The following COL27A1 variants were observed in gnomAD, a reference collection of about 807,000 sequenced individuals.
COL27A1 encodes the protein collagen type XXVII alpha 1 chain.
Under a neutral mutation model 251.3 loss-of-function variants are expected in COL27A1, and 106 were observed. The ratio of observed to expected loss-of-function variants is 0.42; its 90% CI spans 0.36 to 0.50. The LOEUF (loss-of-function observed/expected upper bound fraction) is 0.50, where lower values mean the gene tolerates loss of function less well. Among genes scored for constraint, COL27A1 ranks in the 20% least tolerant of loss-of-function variants. The probability of loss-of-function intolerance (pLI) is 0.00; values close to 1 mark genes in which losing one functional copy is unlikely to be tolerated. For missense variants in COL27A1, 2,325 were observed against 2,522.8 expected, an observed-to-expected ratio of 0.92 and a Z score of 1.68; for synonymous variants, 1,000 against 986.3, an observed-to-expected ratio of 1.01 and a Z score of -0.26.
intron 42 of COL27A1, 42 bp downstream of exon 42, chr9:114,288,553 G>T: frequency 6.3e-7 from 1 of 1,576,342 alleles, no homozygotes; most frequent in Non-Finnish European, 8.6e-7. Context: ...CGTCCTAGGT[G>T]GAATCTGAGC....
intron 14 of COL27A1, among the ~76,000 whole-genome samples, chr9:114,226,241 T>C (rs968250320): frequency 3.9e-5 from 6 of 152,190 alleles, no homozygotes; most frequent in African/African-American, 1.4e-4. Context: ...TTGTCCACCT[T>C]ATTCTGCCAC....
chr9:114,162,578 T>G lies in COL27A1; in HGVS notation c.63-137T>G, dbSNP rs1218939013. ...GCTGCTCTGATGGGGTCCTAGAGCC[T>G]GTACCTGGCCTCCTGCCTCCCGTGG... On this transcript the variant is annotated intron_variant, in intron 1 of 60. Coordinates refer to ENST00000356083, the MANE Select transcript of COL27A1 (RefSeq NM_032888.4). 5.9e-6 allele frequency: 4 copies of G among 676,002 alleles called. No individual in the cohort carries two copies. The Admixed American group carries it at 9.2e-5, about 16-fold the overall frequency. 41.9% of individuals were successfully genotyped at this position (676,002 alleles called of 1,614,324 possible).
intron 11 of COL27A1, 51 bp downstream of exon 11, chr9:114,209,779 C>G: frequency 6.4e-7 from 1 of 1,563,468 alleles, no homozygotes; most frequent in East Asian, 2.2e-5. Context: ...CCTGCCCAAA[C>G]AGAGCAGAAC....
At chr9:114,284,903 G>T in intron 41 of COL27A1, 126 bp downstream of exon 41, 2 of 1,001,688 alleles carry the variant, frequency 2.0e-6, no homozygotes, top group Admixed American at 3.9e-5. Flanking sequence ...CTCACCCCCT[G>T]CAGCAGCCGA....
At chr9:114,271,651 C>T (rs1323914935) in intron 36 of COL27A1, 1 of 152,430 alleles carries the variant, frequency 6.6e-6, no homozygotes, top group Non-Finnish European at 1.5e-5. Flanking sequence ...AGACCCATCT[C>T]CAGGCCAGTC....
rs1458664873 is a variant in COL27A1 at position 114,290,461 on chromosome 9, C to T, written c.4368+130C>T. ...GGCAGAACCAACACATCCAGAAGTT[C>T]TCTGGGGTGGGCAACCATCTCCTCC... On this transcript the variant is annotated intron_variant, in intron 47 of 60. Coordinates refer to ENST00000356083, the MANE Select transcript of COL27A1 (RefSeq NM_032888.4). The surrounding 1 kb of genome is among the most constrained non-coding windows in gnomAD (Gnocchi z 4.6). 3.9e-6 allele frequency: 3 copies of T among 766,884 alleles called. No individual in the cohort carries two copies. The highest frequency in any genetic ancestry group is 6.5e-6 in the Non-Finnish European group (3 of 464,106). 47.5% of individuals were successfully genotyped at this position (766,884 alleles called of 1,614,324 possible). A position where few individuals can be genotyped will look rare whatever the true frequency, so the allele number is the denominator to read the frequency against.
chr9:114,282,224 A>T, intron 37 of COL27A1, 53 bp from the exon 38 acceptor site: 1 of 1,539,814 alleles, frequency 6.5e-7, no homozygotes, highest in East Asian at 2.2e-5. Context: ...GATCCGCCTC[A>T]GTTTCCTCTC....
At chr9:114,263,951 C>T (rs1005322752) in intron 28 of COL27A1, among the ~76,000 whole-genome samples, 1 of 152,214 alleles carries the variant, frequency 6.6e-6, no homozygotes, top group African/African-American at 2.4e-5. Flanking sequence ...GTTTCTGCCC[C>T]GTGTGTGCTC....
chr9:114,204,966 C>T (rs1829844414), intron 7 of COL27A1, 136 bp from the exon 8 acceptor site: 2 of 720,300 alleles, frequency 2.8e-6, no homozygotes, highest in Admixed American at 2.3e-5. Flanking sequence ...TCTGGGGAAC[C>T]TTTACTGAGT....
chr9:114,306,625 A>G lies in COL27A1; in HGVS notation c.5044A>G (p.Thr1682Ala). The G allele has an allele frequency of 4.3e-6, 7 of 1,614,146 alleles. No individual in the cohort carries two copies. Among genetic ancestry groups the G allele is most frequent in the African/African-American group, 2.7e-5 (2 of 75,044 alleles). ...LIQSIKTPLG[T>A]KENPARVCRD... Reference sequence around the variant, plus strand: ...CCAGAGCATTAAGACGCCCCTGGGCACCAAAGAGAACCCCGCCCGGGTCTG... The same window carrying G: ...CCAGAGCATTAAGACGCCCCTGGGCGCCAAAGAGAACCCCGCCCGGGTCTG... Residue 1682 changes from threonine (T) to alanine (A), a missense_variant, in exon 58 of 61, where the codon ACC becomes GCC. Transcript: ENST00000356083.
At chr9:114,228,704 C>T (rs4979356) in intron 14 of COL27A1, among the ~76,000 whole-genome samples, 1 of 152,082 alleles carries the variant, frequency 6.6e-6, no homozygotes, top group Admixed American at 6.5e-5. Context: ...GGTTAAAGCA[C>T]GTCAAGTGCT....
chr9:114,265,173 G>A lies in COL27A1; in HGVS notation c.3339+63G>A, dbSNP rs991980713. ...CTTTTGATGGGGGTGGGGGGCGGGT[G>A]CGGTGCTGATAATAACCACTTTTAC... On this transcript the variant is annotated intron_variant, in intron 31 of 60. Coordinates refer to ENST00000356083, the MANE Select transcript of COL27A1 (RefSeq NM_032888.4). 106 of 597,290 alleles carry A rather than the reference G, an allele frequency of 1.8e-4. No homozygotes were observed. In the East Asian group the frequency reaches 3.5e-3, roughly 20 times the overall value. The allele number at this position is 597,290 out of a possible 1,614,324, so 37.0% of individuals were successfully genotyped here. A position where few individuals can be genotyped will look rare whatever the true frequency, so the allele number is the denominator to read the frequency against.
Position 114,252,910 on chromosome 9 carries a change from C to T in COL27A1, c.3119C>T (p.Thr1040Ile), listed in dbSNP as rs771219695. 1.1e-5 allele frequency: 18 copies of T among 1,613,648 alleles called. No individual in the cohort carries two copies. The South Asian group carries it at 2.0e-4, about 18-fold the overall frequency. Reference sequence around the variant, plus strand: ...CCTGGAATGCCAGGTGGTATGGGGACCCCTGGAGAGCCTGGACCCCAGGTA... The same window carrying T: ...CCTGGAATGCCAGGTGGTATGGGGATCCCTGGAGAGCCTGGACCCCAGGTA... ...GHPGMPGGMG[T>I]PGEPGPQGPP... Residue 1040 changes from threonine to isoleucine, a missense_variant, in exon 27 of 61, where the codon ACC becomes ATC. By Grantham distance (89) the Thr-to-Ile change is moderately conservative. Coordinates refer to ENST00000356083, the MANE Select transcript of COL27A1 (RefSeq NM_032888.4).
At position 114,290,822 on chromosome 9, in the gene COL27A1, G is replaced by A. The variant is rs1483237440; in HGVS notation, c.4381G>A (p.Asp1461Asn). ...GCTTTCTTAACAGGGGGAGCAGGGAGACGATGGGGACCCTGGCCCCATGGG... is the reference window on the plus strand; with the variant it reads ...GCTTTCTTAACAGGGGGAGCAGGGAAACGATGGGGACCCTGGCCCCATGGG... ...GQAGQQGEQG[D>N]DGDPGPMGPA... is the part of the protein sequence containing the mutation. Residue 1461 changes from aspartate (D) to asparagine (N), a missense_variant, in exon 48 of 61, where the codon GAC becomes AAC. Asp to Asn is a conservative substitution (Grantham distance 23). Coordinates refer to ENST00000356083, the MANE Select transcript of COL27A1 (RefSeq NM_032888.4). This position sits in a 1 kb window ranked among gnomAD's most constrained non-coding sequence, Gnocchi z 4.6. The A allele has an allele frequency of 2.6e-6, 4 of 1,549,224 alleles. No individual in the cohort carries two copies. Among genetic ancestry groups the A allele is most frequent in the Admixed American group, 4.0e-5 (2 of 50,382 alleles).
chr9:114,163,226 C>T (rs577130234), intron 2 of COL27A1, among the ~76,000 whole-genome samples: 5 of 51,706 alleles, frequency 9.7e-5, no homozygotes, highest in African/African-American at 4.6e-4. Context: ...GAGCGAGACT[C>T]CGTCTCAAAA....
intron 3 of COL27A1, among the ~76,000 whole-genome samples, 157 bp downstream of exon 3, chr9:114,169,620 T>G: frequency 6.6e-6 from 1 of 152,212 alleles, no homozygotes; most frequent in Non-Finnish European, 1.5e-5. Context: ...CCCCGGCTCC[T>G]CTGGCTCTGC....
intron 14 of COL27A1, among the ~76,000 whole-genome samples, chr9:114,230,218 G>T (rs1424015276): frequency 6.6e-6 from 1 of 152,150 alleles, no homozygotes; most frequent in Non-Finnish European, 1.5e-5. Context: ...TTCCTGCCTG[G>T]CTCCTGCTGG....
At chr9:114,289,332 C>T in intron 45 of COL27A1, 37 bp downstream of exon 45, 1 of 1,541,526 alleles carries the variant, frequency 6.5e-7, no homozygotes, top group Non-Finnish European at 8.7e-7. Context: ...AGACTGAGTC[C>T]CAGGAAGGGG....
rs577239936 is a variant in COL27A1 at position 114,281,555 on chromosome 9, GT to G, written c.3718-721del. 2.0e-4 allele frequency among the ~76,000 whole-genome samples: 30 copies of G among 152,360 alleles called. 1 individual carries two copies. In the South Asian group the frequency reaches 5.2e-3, roughly 26 times the overall value. On this transcript the variant is annotated intron_variant, in intron 37 of 60. Transcript: ENST00000356083. ...GACCTTTCCAGCACAATTCCCTACTGTGAGGAGGCTCCTCCAGCCCAGTCCC... is the reference window on the plus strand; with the variant it reads ...GACCTTTCCAGCACAATTCCCTACTGGAGGAGGCTCCTCCAGCCCAGTCCC...
Sources: allele counts gnomAD v4.1 joint callset (sites outside exome capture counted in the v4.1 genomes callset), GRCh38; gene constraint gnomAD v4.1.1; non-coding constraint Gnocchi (gnomAD v3.1); transcripts MANE v1.5; gene names NCBI Gene and HGNC (gene_info 2026-07-23, HGNC 2026-07-21).